PARP11: variants seen among roughly 807,000 people sequenced by gnomAD.
PARP11 encodes poly(ADP-ribose) polymerase family member 11, also known as protein mono-ADP-ribosyltransferase PARP11.
PARP11 carries 31 observed loss-of-function variants against 42.9 expected under a neutral mutation model. That is an observed-to-expected ratio of 0.72 (90% CI 0.54 to 0.98). The LOEUF (loss-of-function observed/expected upper bound fraction) is 0.98, where lower values mean the gene tolerates loss of function less well. PARP11 is among the 50% of genes least tolerant of loss of function. PARP11 has a pLI of 0.00. For synonymous variants in PARP11, 137 were observed against 127.3 expected (o/e 1.08, Z -0.51); for missense variants, 365 against 413.1 (o/e 0.88, Z 1.01).
At chr12:3,842,634 C>T (rs773470758) in intron 1 of PARP11, 4 of 695,822 alleles carry the variant, frequency 5.7e-6, no homozygotes, top group Non-Finnish European at 9.9e-6. Context: ...CCCCAGCCTC[C>T]TTACCTTCCC....
At chr12:3,856,023 A>C (rs1330166576) in intron 1 of PARP11, among the ~76,000 whole-genome samples, 4 of 152,308 alleles carry the variant, frequency 2.6e-5, no homozygotes, top group East Asian at 3.8e-4. Flanking sequence ...CAAAAACAAG[A>C]AATGGGGAAA....
chr12:3,816,080 A>T (rs1024172560), intron 6 of PARP11, among the ~76,000 whole-genome samples: 9 of 152,232 alleles, frequency 5.9e-5, no homozygotes, highest in Admixed American at 3.9e-4. Context: ...GCAAATGTTT[A>T]CTTTACAAAA....
At chr12:3,870,308 T>C (rs1948453013) in intron 1 of PARP11, among the ~76,000 whole-genome samples, 1 of 152,208 alleles carries the variant, frequency 6.6e-6, no homozygotes, top group African/African-American at 2.4e-5. Context: ...GTAAGACAAA[T>C]ATGTCTTATT....
At chr12:3,836,606 CT>C (rs1362891371) in intron 1 of PARP11, among the ~76,000 whole-genome samples, 1 of 152,192 alleles carries the variant, frequency 6.6e-6, no homozygotes, top group East Asian at 1.9e-4. Context: ...TTACAAGTAA[CT>C]ACATAAACCA....
chr12:3,809,819 C>A lies in PARP11; in HGVS notation c.*2304G>T, dbSNP rs1947133326. 1 of 152,166 alleles carries A rather than the reference C, an allele frequency of 6.6e-6. No homozygotes were observed. The highest frequency in any genetic ancestry group is 1.5e-5 in the Non-Finnish European group (1 of 68,030). The allele number at this position is 152,166 out of a possible 1,614,324, so 9.4% of individuals were successfully genotyped here. A position where few individuals can be genotyped will look rare whatever the true frequency, so the allele number is the denominator to read the frequency against. On this transcript the variant is annotated 3_prime_UTR_variant, in exon 8 of 8. Coordinates refer to ENST00000228820, the MANE Select transcript of PARP11 (RefSeq NM_020367.6). ...ACAAAGCAGCCTAGTGACTTTGTCT[C>A]CAATTATTTTCATGATAATCTCTAG...
At chr12:3,835,060 T>G (rs1045416825) in intron 1 of PARP11, among the ~76,000 whole-genome samples, 1 of 152,158 alleles carries the variant, frequency 6.6e-6, no homozygotes. Context: ...ACTGTGTACA[T>G]GCTCAAGGTT....
chr12:3,845,597 T>C (rs1947980248), intron 1 of PARP11, among the ~76,000 whole-genome samples: 1 of 152,246 alleles, frequency 6.6e-6, no homozygotes, highest in African/African-American at 2.4e-5. Flanking sequence ...TACTTAAGGA[T>C]ACTAAGCAAG....
At chr12:3,866,998 T>C (rs535718803) in intron 1 of PARP11, among the ~76,000 whole-genome samples, 1 of 152,304 alleles carries the variant, frequency 6.6e-6, no homozygotes, top group African/African-American at 2.4e-5. Flanking sequence ...ACATATACAG[T>C]ATATAAGGTA....
intron 1 of PARP11, chr12:3,872,851 G>A (rs1031005919): frequency 1.0e-4 from 99 of 968,836 alleles, no homozygotes; most frequent in Non-Finnish European, 1.1e-4. Context: ...GCTTTAACCC[G>A]GGAGACGGAG....
intron 3 of PARP11, among the ~76,000 whole-genome samples, chr12:3,828,087 TCTGTGGAAGAGCCAAA>T (rs1947563049): frequency 6.6e-6 from 1 of 152,182 alleles, no homozygotes; most frequent in Admixed American, 6.5e-5. Flanking sequence ...ATCTGGCTAA[TCTGTGGAAGAGCCAAA>T]TCAATCAGAA....
At chr12:3,814,878 G>A (rs952637869) in intron 6 of PARP11, 17 of 261,412 alleles carry the variant, frequency 6.5e-5, no homozygotes, top group Non-Finnish European at 9.4e-5. Flanking sequence ...AAATAATATT[G>A]AATGTAAAAA....
At chr12:3,851,366 C>G (rs143636841) in intron 1 of PARP11, among the ~76,000 whole-genome samples, 2 of 152,150 alleles carry the variant, frequency 1.3e-5, no homozygotes, top group Non-Finnish European at 2.9e-5. Flanking sequence ...CAAGGGAAGC[C>G]GTGACAGATT....
chr12:3,841,758 G>A, intron 1 of PARP11: 1 of 1,612,680 alleles, frequency 6.2e-7, no homozygotes, highest in South Asian at 1.1e-5. Flanking sequence ...CTCATGTTTG[G>A]CATGGGTACC....
intron 4 of PARP11, 55 bp downstream of exon 4, chr12:3,826,103 C>A: frequency 3.0e-6 from 3 of 1,010,476 alleles, no homozygotes; most frequent in Non-Finnish European, 2.9e-6. Context: ...GTTTTTCTGT[C>A]CAATAGTAAG....
At chr12:3,854,327 AAAAAAC>A (rs1449283641) in intron 1 of PARP11, among the ~76,000 whole-genome samples, 2 of 152,238 alleles carry the variant, frequency 1.3e-5, no homozygotes, top group Non-Finnish European at 2.9e-5. Flanking sequence ...AAACTCTTCA[AAAAAAC>A]AAATGACTCC....
chr12:3,822,325 G>A (rs1326429083), intron 4 of PARP11, among the ~76,000 whole-genome samples, 168 bp from the exon 5 acceptor site: 1 of 152,036 alleles, frequency 6.6e-6, no homozygotes, highest in Non-Finnish European at 1.5e-5. Flanking sequence ...TCGGCCGGGC[G>A]CGGTGGCTCA....
chr12:3,860,187 T>C (rs1033648275), intron 1 of PARP11, among the ~76,000 whole-genome samples: 4 of 152,192 alleles, frequency 2.6e-5, no homozygotes, highest in African/African-American at 7.2e-5. Flanking sequence ...AGTATGGATG[T>C]GGACCGCCCC....
In PARP11 at chr12:3,840,400, A is replaced by T; in HGVS notation, c.19-10382T>A. Reference sequence around the variant, plus strand: ...GGATTACAGAGGGCCAAAGAATCCAAGCAAGCCAATAAAAGCCCCATTAGC... The same window carrying T: ...GGATTACAGAGGGCCAAAGAATCCATGCAAGCCAATAAAAGCCCCATTAGC... On this transcript the variant is annotated intron_variant, in intron 1 of 7. Coordinates refer to ENST00000228820, the MANE Select transcript of PARP11 (RefSeq NM_020367.6). The surrounding 1 kb of genome is among the most constrained non-coding windows in gnomAD (Gnocchi z 4.4). 1.9e-6 allele frequency: 3 copies of T among 1,613,938 alleles called. No homozygotes were observed. The highest frequency in any genetic ancestry group is 2.5e-6 in the Non-Finnish European group (3 of 1,179,780).
At chr12:3,873,120 C>T in intron 1 of PARP11, 92 bp downstream of exon 1, 4 of 1,218,094 alleles carry the variant, frequency 3.3e-6, no homozygotes, top group East Asian at 2.5e-5. Context: ...CAGACTGAAG[C>T]GAGCGCGGGG....
Sources: allele counts gnomAD v4.1 joint callset (sites outside exome capture counted in the v4.1 genomes callset), GRCh38; gene constraint gnomAD v4.1.1; non-coding constraint Gnocchi (gnomAD v3.1); transcripts MANE v1.5; gene names NCBI Gene and HGNC (gene_info 2026-07-23, HGNC 2026-07-21).